NCK1: variants seen among roughly 807,000 people sequenced by gnomAD.
The protein encoded by NCK1 is SH2/SH3 adapter protein NCK1.
Under a neutral mutation model 36.6 loss-of-function variants are expected in NCK1, and 19 were observed. The observed-to-expected ratio is 0.52, with a 90% CI of 0.36 to 0.76. NCK1 has a LOEUF of 0.76. Ranked by LOEUF, NCK1 falls within the 30% of genes least tolerant of loss-of-function variation. NCK1 has a pLI of 0.00. For missense variants in NCK1, 358 were observed against 445.6 expected (o/e 0.80, Z 1.77); for synonymous variants, 165 against 156.0 (o/e 1.06, Z -0.43).
At chr3:136,879,547 C>A (rs1320847027) in intron 1 of NCK1, among the ~76,000 whole-genome samples, 1 of 151,968 alleles carries the variant, frequency 6.6e-6, no homozygotes, top group Non-Finnish European at 1.5e-5. Flanking sequence ...ATTCTTAATC[C>A]CTAGTACTTA....
At chr3:136,872,792 G>T (rs1263699463) in intron 1 of NCK1, among the ~76,000 whole-genome samples, 1 of 152,228 alleles carries the variant, frequency 6.6e-6, no homozygotes, top group Admixed American at 6.5e-5. Flanking sequence ...TAGAGCTTGG[G>T]CTGTGGCTTC....
In NCK1 at chr3:136,893,178, G is replaced by A. The variant is rs544781945; in HGVS notation, c.-19+30825G>A. On this transcript the variant is annotated intron_variant, in intron 1 of 3. Coordinates refer to ENST00000481752, the MANE Select transcript of NCK1 (RefSeq NM_001291999.2). ...TGTGTGTGTGTGTGTGTGTGTGTGT[G>A]TATATATATATATACACACATGTGC... Among the ~76,000 whole-genome samples the A allele has an allele frequency of 8.2e-3, 283 of 34,664 alleles. 19 individuals are homozygous for A. The highest frequency in any genetic ancestry group is 0.05 in the Middle Eastern group (2 of 40). 22.7% of individuals were successfully genotyped at this position (34,664 alleles called of 152,430 possible).
intron 1 of NCK1, among the ~76,000 whole-genome samples, chr3:136,884,880 C>G (rs1024246639): frequency 6.6e-6 from 1 of 152,030 alleles, no homozygotes; most frequent in Admixed American, 6.6e-5. Flanking sequence ...GCCACCACAA[C>G]TGGCTAATTT....
chr3:136,878,726 G>A (rs1209377176), intron 1 of NCK1, among the ~76,000 whole-genome samples: 1 of 87,224 alleles, frequency 1.1e-5, no homozygotes, highest in Non-Finnish European at 2.5e-5. Context: ...TTTAAGAAAG[G>A]TTGAGTCTAG....
intron 2 of NCK1, among the ~76,000 whole-genome samples, chr3:136,938,789 T>C (rs552874799): frequency 3.3e-5 from 5 of 152,352 alleles, no homozygotes; most frequent in African/African-American, 9.6e-5. Context: ...AAAAACATGA[T>C]TGGAGCCTAA....
intron 2 of NCK1, among the ~76,000 whole-genome samples, chr3:136,935,101 A>G (rs899426966): frequency 6.6e-6 from 1 of 152,076 alleles, no homozygotes; most frequent in Non-Finnish European, 1.5e-5. Flanking sequence ...AGGGTTTCGC[A>G]TGTTGGCCAG....
At position 136,945,595 on chromosome 3, in the gene NCK1, T is replaced by A; in HGVS notation, c.239T>A (p.Val80Glu). ...TTAATTTCAACAGGCATTGGAAAAG[T>A]GAAAAGAAAACCTAGTGTGCCAGAT... is the stretch of plus-strand genomic sequence containing the variant. Reference protein sequence around the residue: ...NLKDTLGIGKVKRKPSVPDSA... With the variant: ...NLKDTLGIGKEKRKPSVPDSA... The change falls in exon 3 of 4, where the codon GTG becomes GAG. Residue 80 changes from valine (V) to glutamate (E), a missense_variant. Transcript: ENST00000481752. 6.2e-7 allele frequency: 1 copy of A among 1,600,160 alleles called. No homozygotes were observed. Among genetic ancestry groups the A allele is most frequent in the Non-Finnish European group, 8.5e-7 (1 of 1,172,300 alleles).
rs1309358340 is a variant in NCK1, at chr3:136,941,754, T to C, written c.227-3829T>C. Among the ~76,000 whole-genome samples, 3 of 152,198 alleles carry C rather than the reference T, an allele frequency of 2.0e-5. No homozygotes were observed. The South Asian group carries it at 6.2e-4, about 32-fold the overall frequency. ...TACTACTGACTTTTATATTTACTTA[T>C]GTAGCTACCTTTACCATTGTTCTTT... On this transcript the variant is annotated intron_variant, in intron 2 of 3. Transcript: ENST00000481752.
chr3:136,907,900 C>T (rs964423142), intron 1 of NCK1, among the ~76,000 whole-genome samples: 6 of 152,204 alleles, frequency 3.9e-5, no homozygotes, highest in Non-Finnish European at 8.8e-5. Context: ...CAGCCTCAGT[C>T]CCCAGATCTT....
At chr3:136,921,054 T>A (rs1223312055) in intron 1 of NCK1, among the ~76,000 whole-genome samples, 2 of 152,132 alleles carry the variant, frequency 1.3e-5, no homozygotes, top group African/African-American at 4.8e-5. Context: ...TAAAATGAGG[T>A]CGTTAAGATG....
intron 1 of NCK1, among the ~76,000 whole-genome samples, chr3:136,912,836 T>A (rs976394285): frequency 2.9e-5 from 4 of 137,572 alleles, no homozygotes; most frequent in Non-Finnish European, 6.2e-5. Flanking sequence ...ATTTTTTTTG[T>A]AGAAGCAGGG....
In NCK1 at chr3:136,946,162, T is replaced by A. The variant is rs1304743375; in HGVS notation, c.806T>A (p.Ile269Asn). The A allele has an allele frequency of 6.2e-7, 1 of 1,613,566 alleles. No homozygotes were observed. Among genetic ancestry groups the A allele is most frequent in the Non-Finnish European group, 8.5e-7 (1 of 1,179,926 alleles). Residue 269 changes from isoleucine to asparagine, a missense_variant, in exon 3 of 4, where the codon ATT becomes AAT. Physicochemically the swap from Ile to Asn is moderately radical, Grantham distance 149. Coordinates refer to ENST00000481752, the MANE Select transcript of NCK1 (RefSeq NM_001291999.2). ...LEPSPPQCDY[I>N]RPSLTGKFAG... is the part of the protein sequence containing the mutation. The stretch of plus-strand genomic sequence containing the variant: ...CCATCACCTCCACAGTGTGATTACA[T>A]TAGGCCTTCACTCACTGGAAAGTTT...
intron 1 of NCK1, among the ~76,000 whole-genome samples, chr3:136,868,896 G>T (rs1202288722): frequency 6.6e-6 from 1 of 152,032 alleles, no homozygotes; most frequent in Non-Finnish European, 1.5e-5. Flanking sequence ...TTGTCCTCTT[G>T]TTCATCTGTC....
chr3:136,942,533 T>A (rs1380427614), intron 2 of NCK1, among the ~76,000 whole-genome samples: 2 of 152,172 alleles, frequency 1.3e-5, no homozygotes, highest in Non-Finnish European at 2.9e-5. Flanking sequence ...TACAGATGGC[T>A]TTATGTTGGG....
chr3:136,930,204 G>A (rs182709243), intron 2 of NCK1, among the ~76,000 whole-genome samples: 2 of 152,212 alleles, frequency 1.3e-5, no homozygotes, highest in East Asian at 3.9e-4. Flanking sequence ...TTGTGCTGGT[G>A]GAGACATTGT....
chr3:136,878,491 A>G (rs1483101449), intron 1 of NCK1, among the ~76,000 whole-genome samples: 1 of 152,146 alleles, frequency 6.6e-6, no homozygotes, highest in Non-Finnish European at 1.5e-5. Context: ...GAAATTGTGT[A>G]TTTGTAGAGA....
At chr3:136,931,222 A>G (rs1211924569) in intron 2 of NCK1, among the ~76,000 whole-genome samples, 4 of 152,154 alleles carry the variant, frequency 2.6e-5, no homozygotes, top group Admixed American at 1.3e-4. Context: ...AAGTAAAACT[A>G]ATAATAATTT....
chr3:136,883,629 C>T (rs1047205882), intron 1 of NCK1, among the ~76,000 whole-genome samples: 1 of 152,072 alleles, frequency 6.6e-6, no homozygotes, highest in Non-Finnish European at 1.5e-5. Flanking sequence ...ACTGTTGTAT[C>T]CCTGCATTAA....
intron 1 of NCK1, chr3:136,899,796 G>C: frequency 6.8e-7 from 1 of 1,463,596 alleles, no homozygotes; most frequent in South Asian, 1.1e-5. Context: ...GGTGACTGTT[G>C]AAAGTTCCTT....
Sources: allele counts gnomAD v4.1 joint callset (sites outside exome capture counted in the v4.1 genomes callset), GRCh38; gene constraint gnomAD v4.1.1; transcripts MANE v1.5; gene names NCBI Gene and HGNC (gene_info 2026-07-23, HGNC 2026-07-21).